Variants in ERH observed in about 807,000 individuals in gnomAD.
ERH encodes the protein enhancer of rudimentary homolog.
A neutral mutation model predicts 16.8 loss-of-function variants in ERH; 1 was observed. The ratio of observed to expected loss-of-function variants is 0.06; its 90% CI spans 0.02 to 0.28. The LOEUF is 0.28. Among genes scored for constraint, ERH ranks in the 10% least tolerant of loss-of-function variants. The pLI is 1.00. For synonymous variants in ERH, 43 were observed against 43.6 expected (o/e 0.99, Z 0.05); for missense variants, 42 against 127.5 (o/e 0.33, Z 3.23).
intron 3 of ERH, chr14:69,386,666 A>C (rs1313814411): frequency 4.4e-6 from 1 of 226,952 alleles, no homozygotes; most frequent in Non-Finnish European, 8.5e-6. Context: ...TAAGACAAAG[A>C]CTGTAAAGGA....
intron 3 of ERH, among the ~76,000 whole-genome samples, chr14:69,382,630 A>G (rs942934158): frequency 1.1e-4 from 16 of 151,832 alleles, no homozygotes; most frequent in South Asian, 6.3e-4. Flanking sequence ...TCAAGAGATC[A>G]AGACCATCCT....
intron 3 of ERH, 179 bp downstream of exon 3, chr14:69,386,784 C>T: frequency 5.9e-6 from 3 of 505,384 alleles, no homozygotes; most frequent in African/African-American, 3.9e-5. Context: ...TTTTTCTGTG[C>T]CTTTGGCTTT....
chr14:69,386,068 C>T (rs2045890691), intron 3 of ERH, among the ~76,000 whole-genome samples: 3 of 152,126 alleles, frequency 2.0e-5, no homozygotes, highest in Admixed American at 2.0e-4. Context: ...CTTAAAGTAC[C>T]ATGCAACATT....
intron 2 of ERH, among the ~76,000 whole-genome samples, chr14:69,390,557 T>C (rs1367605283): frequency 6.6e-6 from 1 of 152,172 alleles, no homozygotes; most frequent in Non-Finnish European, 1.5e-5. Context: ...GACTTAAAAG[T>C]AGGAGCCCAA....
intron 3 of ERH, among the ~76,000 whole-genome samples, chr14:69,383,463 T>C (rs950036744): frequency 2.6e-5 from 4 of 152,226 alleles, no homozygotes; most frequent in Admixed American, 6.5e-5. Context: ...GGATGTGCTG[T>C]GGCAGTGGGT....
intron 2 of ERH, among the ~76,000 whole-genome samples, chr14:69,389,546 A>C (rs2045912142): frequency 6.6e-6 from 1 of 152,240 alleles, no homozygotes; most frequent in Non-Finnish European, 1.5e-5. Flanking sequence ...AATCCTAAGG[A>C]AACAATAAAA....
chr14:69,383,192 ACT>A (rs2045872943), intron 3 of ERH, among the ~76,000 whole-genome samples: 1 of 152,270 alleles, frequency 6.6e-6, no homozygotes, highest in African/African-American at 2.4e-5. Flanking sequence ...GAAAAATCTG[ACT>A]CTGACTTTAA....
At chr14:69,394,495 C>T (rs1220483806) in intron 2 of ERH, among the ~76,000 whole-genome samples, 2 of 152,184 alleles carry the variant, frequency 1.3e-5, no homozygotes, top group Admixed American at 6.5e-5. Context: ...ACTTGGGAGG[C>T]TGAGGCACAA....
intron 2 of ERH, among the ~76,000 whole-genome samples, chr14:69,392,810 C>A (rs934837175): frequency 2.0e-5 from 3 of 152,154 alleles, no homozygotes; most frequent in South Asian, 2.1e-4. Flanking sequence ...ATCGGAAAAA[C>A]TGTAGTTTCT....
intron 3 of ERH, chr14:69,386,524 A>G (rs2045894287): frequency 6.5e-6 from 1 of 152,892 alleles, no homozygotes; most frequent in African/African-American, 2.4e-5. Context: ...AAAAAATCTC[A>G]CTCTAACATA....
At chr14:69,395,302 A>T (rs1000839690) in intron 1 of ERH, among the ~76,000 whole-genome samples, 5 of 152,202 alleles carry the variant, frequency 3.3e-5, no homozygotes, top group African/African-American at 9.7e-5. Flanking sequence ...CTTAAAAGAA[A>T]AAAAAAAGTC....
At chr14:69,396,810 T>A (rs1332361578) in intron 1 of ERH, among the ~76,000 whole-genome samples, 3 of 152,204 alleles carry the variant, frequency 2.0e-5, no homozygotes, top group African/African-American at 7.2e-5. Context: ...AGTCAAAGCC[T>A]TTGTTAAATC....
chr14:69,395,777 A>G (rs1289178330), intron 1 of ERH, among the ~76,000 whole-genome samples: 1 of 152,208 alleles, frequency 6.6e-6, no homozygotes, highest in Non-Finnish European at 1.5e-5. Flanking sequence ...CTATTCACCT[A>G]GTAGATGACT....
At chr14:69,381,487 G>A (rs1032354554) in intron 3 of ERH, among the ~76,000 whole-genome samples, 1 of 152,026 alleles carries the variant, frequency 6.6e-6, no homozygotes, top group Non-Finnish European at 1.5e-5. Flanking sequence ...AGAAGATACA[G>A]TAAGCTCCAA....
At chr14:69,398,046 G>A (rs1486500369) in intron 1 of ERH, 185 bp downstream of exon 1, 3 of 751,572 alleles carry the variant, frequency 4.0e-6, no homozygotes, top group South Asian at 3.5e-5. Flanking sequence ...GCGGACCGGG[G>A]CTCCGAGGCC....
chr14:69,384,137 C>G (rs2045878953), intron 3 of ERH, among the ~76,000 whole-genome samples: 1 of 152,126 alleles, frequency 6.6e-6, no homozygotes. Flanking sequence ...TTAAATCTCC[C>G]TTGAAATTTA....
chr14:69,395,476 A>G (rs941038819), intron 1 of ERH, among the ~76,000 whole-genome samples: 4 of 152,132 alleles, frequency 2.6e-5, no homozygotes, highest in Non-Finnish European at 5.9e-5. Flanking sequence ...TTCCTTTTCT[A>G]TCTTTTCTTC....
In ERH at chr14:69,391,604, C is replaced by T. The variant is rs527963295; in HGVS notation, c.91+3221G>A. ...CAGAGGTTGCAGTGAGCTGAGATTA[C>T]GTCACAGCATTCCAGCCTGGGTGAC... On this transcript the variant is annotated intron_variant, in intron 2 of 3. Transcript: ENST00000557016. Among the ~76,000 whole-genome samples the T allele has an allele frequency of 6.0e-5, 8 of 134,384 alleles. No homozygotes were observed. In the South Asian group the frequency reaches 9.5e-4, roughly 16 times the overall value. 88.2% of individuals were successfully genotyped at this position (134,384 alleles called of 152,430 possible).
chr14:69,387,421 G>A (rs555766610), intron 2 of ERH, among the ~76,000 whole-genome samples: 34 of 152,136 alleles, frequency 2.2e-4, no homozygotes, highest in African/African-American at 6.5e-4. Context: ...TTAGCCAGGC[G>A]TGATGGCGTG....
Sources: allele counts gnomAD v4.1 joint callset (sites outside exome capture counted in the v4.1 genomes callset), GRCh38; gene constraint gnomAD v4.1.1; transcripts MANE v1.5; gene names NCBI Gene and HGNC (gene_info 2026-07-23, HGNC 2026-07-21).